The following SPATA13 variants were observed in gnomAD, a reference collection of about 807,000 sequenced individuals.
SPATA13 encodes the protein spermatogenesis associated 13.
SPATA13 carries 50 observed loss-of-function variants against 104.0 expected under a neutral mutation model. The ratio of observed to expected loss-of-function variants is 0.48; its 90% CI spans 0.38 to 0.61. The LOEUF (loss-of-function observed/expected upper bound fraction) is 0.61, where lower values mean the gene tolerates loss of function less well. SPATA13 is among the 20% of genes least tolerant of loss of function. The probability of loss-of-function intolerance (pLI) is 0.00; values close to 1 mark genes in which losing one functional copy is unlikely to be tolerated. For missense variants in SPATA13, 1,524 were observed against 1,690.6 expected (o/e 0.90, Z 1.73); for synonymous variants, 606 against 667.5 (o/e 0.91, Z 1.42).
At chr13:24,291,952 T>A (rs1273058293) in intron 9 of SPATA13, among the ~76,000 whole-genome samples, 1 of 151,012 alleles carries the variant, frequency 6.6e-6, no homozygotes, top group East Asian at 1.9e-4. Flanking sequence ...GAGACGGGGT[T>A]TCACCTTGTT....
At chr13:24,047,971 G>C (rs1362167786) in intron 3 of SPATA13, among the ~76,000 whole-genome samples, 1 of 152,208 alleles carries the variant, frequency 6.6e-6, no homozygotes, top group Non-Finnish European at 1.5e-5. Flanking sequence ...GTGCGTCAAT[G>C]TCTGACATCC....
chr13:24,298,785 C>T (rs1190260787), intron 11 of SPATA13, among the ~76,000 whole-genome samples: 1 of 152,190 alleles, frequency 6.6e-6, no homozygotes, highest in Non-Finnish European at 1.5e-5. Context: ...AATTTGGTCT[C>T]ACCCACAGGA....
At chr13:24,191,789 C>T (rs1347765677) in intron 1 of SPATA13, among the ~76,000 whole-genome samples, 5 of 152,036 alleles carry the variant, frequency 3.3e-5, no homozygotes, top group African/African-American at 9.7e-5. Context: ...GGATTACAGG[C>T]GTGAGCCACT....
upstream of SPATA13, among the ~76,000 whole-genome samples, chr13:24,156,536 GCCAAATAGATACT>G (rs1191751505): frequency 9.2e-5 from 14 of 152,278 alleles, no homozygotes; most frequent in Middle Eastern, 3.4e-3. Flanking sequence ...CACCCCAATA[GCCAAATAGATACT>G]TATGTGCTAA....
intron 3 of SPATA13, among the ~76,000 whole-genome samples, chr13:24,023,204 G>T (rs894430206): frequency 6.6e-5 from 10 of 152,010 alleles, no homozygotes; most frequent in Non-Finnish European, 1.5e-4. Context: ...CTTTGTGATA[G>T]GTTGCTCAGA....
At chr13:24,137,475 A>G (rs1022315255) in intron 3 of SPATA13, among the ~76,000 whole-genome samples, 1 of 152,178 alleles carries the variant, frequency 6.6e-6, no homozygotes, top group Non-Finnish European at 1.5e-5. Flanking sequence ...AGAAGTAACT[A>G]AGTCCATGGG....
At chr13:24,100,146 A>G (rs944422007) in intron 3 of SPATA13, among the ~76,000 whole-genome samples, 6 of 152,076 alleles carry the variant, frequency 3.9e-5, no homozygotes, top group Non-Finnish European at 8.8e-5. Context: ...ATAGTTTAAA[A>G]AAAAAAAAGA....
chr13:24,067,750 G>A (rs928470989), intron 3 of SPATA13, among the ~76,000 whole-genome samples: 2 of 152,136 alleles, frequency 1.3e-5, no homozygotes, highest in Non-Finnish European at 2.9e-5. Flanking sequence ...TGTCGCCTAG[G>A]CTGGAGTGCA....
chr13:24,274,101 G>A (rs1039516731), intron 4 of SPATA13, among the ~76,000 whole-genome samples: 3 of 152,188 alleles, frequency 2.0e-5, no homozygotes, highest in African/African-American at 7.2e-5. Flanking sequence ...TGTCCTATTC[G>A]TTGGAATAAG....
intron 3 of SPATA13, among the ~76,000 whole-genome samples, chr13:24,134,809 G>A (rs878939838): frequency 1.3e-5 from 2 of 152,118 alleles, no homozygotes; most frequent in Non-Finnish European, 2.9e-5. Context: ...GACAGAATGT[G>A]TCCCCCAAAA....
At chr13:24,031,151 A>T (rs913705254) in intron 3 of SPATA13, among the ~76,000 whole-genome samples, 1 of 152,230 alleles carries the variant, frequency 6.6e-6, no homozygotes, top group Non-Finnish European at 1.5e-5. Context: ...GATTGATACC[A>T]TGCTTAGAAC....
chr13:24,301,064 C>G (rs1030063701), intron 12 of SPATA13, among the ~76,000 whole-genome samples: 1 of 152,184 alleles, frequency 6.6e-6, no homozygotes, highest in Non-Finnish European at 1.5e-5. Context: ...GCCGCATACC[C>G]AGGGGCTCTG....
chr13:24,246,385 A>G (rs968287617), intron 2 of SPATA13, among the ~76,000 whole-genome samples: 1 of 152,188 alleles, frequency 6.6e-6, no homozygotes, highest in African/African-American at 2.4e-5. Flanking sequence ...ATTTTCCTGT[A>G]GTGGTGTTGG....
chr13:24,199,950 C>G (rs1265270651), intron 1 of SPATA13, among the ~76,000 whole-genome samples: 1 of 152,172 alleles, frequency 6.6e-6, no homozygotes, highest in South Asian at 2.1e-4. Context: ...GAGTTTAGCA[C>G]TGGAATCGGA....
chr13:23,992,598 G>A (rs872196), intron 2 of SPATA13, among the ~76,000 whole-genome samples: 21,532 of 152,078 alleles, frequency 0.14, 1,916 homozygotes, highest in Admixed American at 0.26. Flanking sequence ...GGCAGGGGTA[G>A]TCCCATGTAT....
intron 3 of SPATA13, among the ~76,000 whole-genome samples, chr13:24,104,235 ATGGGTTTTTTTTTTTTGTTTTT>A (rs542220164): frequency 2.0e-4 from 29 of 147,798 alleles, no homozygotes; most frequent in Non-Finnish European, 3.3e-4. Context: ...TAAAGCTAGA[ATGGGTTTTTTTTTTTTGTTTTT>A]TGGGTTTTTT....
intron 3 of SPATA13, among the ~76,000 whole-genome samples, chr13:24,028,337 G>A (rs774512985): frequency 2.8e-4 from 42 of 152,178 alleles, no homozygotes; most frequent in Non-Finnish European, 5.3e-4. Context: ...TTATCTGAAT[G>A]TATCAGTTCA....
chr13:24,185,433 A>C (rs1211224638), intron 1 of SPATA13, among the ~76,000 whole-genome samples: 3 of 152,150 alleles, frequency 2.0e-5, no homozygotes, highest in Non-Finnish European at 4.4e-5. Context: ...ACTTAATGAG[A>C]AATAAACCTT....
chr13:24,109,017 G>C (rs764523485), intron 3 of SPATA13, among the ~76,000 whole-genome samples: 5 of 151,844 alleles, frequency 3.3e-5, no homozygotes, highest in African/African-American at 4.8e-5. Context: ...CAATGTGCAG[G>C]TTTGTTACAT....
Sources: allele counts gnomAD v4.1 joint callset (sites outside exome capture counted in the v4.1 genomes callset), GRCh38; gene constraint gnomAD v4.1.1; transcripts MANE v1.5; gene names NCBI Gene and HGNC (gene_info 2026-07-23, HGNC 2026-07-21).